LSAMP: variants seen among roughly 807,000 people sequenced by gnomAD.
LSAMP encodes limbic system associated membrane protein.
Under a neutral mutation model 38.6 loss-of-function variants are expected in LSAMP, and 7 were observed. The observed-to-expected ratio is 0.18, with a 90% CI of 0.10 to 0.34. LSAMP has a LOEUF of 0.34. Among genes scored for constraint, LSAMP ranks in the 10% least tolerant of loss-of-function variants. LSAMP has a pLI of 1.00. For synonymous variants in LSAMP, 154 were observed against 166.8 expected (o/e 0.92, Z 0.59); for missense variants, 313 against 420.0 (o/e 0.75, Z 2.23).
chr3:115,866,261 C>T (rs559032973), intron 3 of LSAMP, among the ~76,000 whole-genome samples: 3 of 152,092 alleles, frequency 2.0e-5, no homozygotes, highest in Non-Finnish European at 2.9e-5. Context: ...AGATTCATGA[C>T]AAAAGCCAAT....
chr3:115,969,924 T>C (rs1333173251), intron 3 of LSAMP, among the ~76,000 whole-genome samples: 1 of 152,172 alleles, frequency 6.6e-6, no homozygotes, highest in Non-Finnish European at 1.5e-5. Context: ...GTGACAATAA[T>C]GTGTACCATG....
chr3:116,086,644 C>T (rs1018587149), intron 1 of LSAMP, 88 bp from the exon 2 acceptor site: 3 of 978,360 alleles, frequency 3.1e-6, no homozygotes, highest in Non-Finnish European at 4.8e-6. Context: ...CAAGTCTAAA[C>T]AAGGAAAATA....
At chr3:116,309,695 T>C (rs2107715341) in intron 1 of LSAMP, among the ~76,000 whole-genome samples, 1 of 152,252 alleles carries the variant, frequency 6.6e-6, no homozygotes, top group East Asian at 1.9e-4. Flanking sequence ...CCGCTGGCCA[T>C]GGCCAATGTC....
intron 2 of LSAMP, among the ~76,000 whole-genome samples, chr3:116,021,464 G>A (rs1940636410): frequency 6.6e-6 from 1 of 151,890 alleles, no homozygotes; most frequent in Non-Finnish European, 1.5e-5. Context: ...CAGATGAGTA[G>A]GCTAGTGCTC....
chr3:116,353,899 A>C (rs2107768876), intron 1 of LSAMP, among the ~76,000 whole-genome samples: 1 of 152,242 alleles, frequency 6.6e-6, no homozygotes, highest in South Asian at 2.1e-4. Flanking sequence ...AGTTCATAAA[A>C]ATCATTGTAG....
chr3:115,920,475 TAC>T (rs1261326296), intron 3 of LSAMP, among the ~76,000 whole-genome samples: 1 of 152,234 alleles, frequency 6.6e-6, no homozygotes, highest in Non-Finnish European at 1.5e-5. Flanking sequence ...TTGAACATCT[TAC>T]ATATACCTGT....
At chr3:115,927,103 T>C (rs1254728684) in intron 3 of LSAMP, among the ~76,000 whole-genome samples, 1 of 152,228 alleles carries the variant, frequency 6.6e-6, no homozygotes, top group African/African-American at 2.4e-5. Flanking sequence ...TGAATGGTAC[T>C]CTTCTTTATG....
chr3:115,931,866 A>G (rs1937585981), intron 3 of LSAMP, among the ~76,000 whole-genome samples: 2 of 152,190 alleles, frequency 1.3e-5, no homozygotes, highest in Non-Finnish European at 2.9e-5. Context: ...AGTAAATAGC[A>G]GAAGGGAGAT....
chr3:116,194,613 G>A (rs576862166), intron 1 of LSAMP, among the ~76,000 whole-genome samples: 45 of 152,250 alleles, frequency 3.0e-4, no homozygotes, highest in African/African-American at 1.1e-3. Context: ...AGCCAGGATG[G>A]TCTCCATCTC....
At chr3:116,156,944 T>A (rs1418515048) in intron 1 of LSAMP, among the ~76,000 whole-genome samples, 2 of 152,110 alleles carry the variant, frequency 1.3e-5, no homozygotes, top group African/African-American at 4.8e-5. Context: ...GCTTCCAAGA[T>A]GAGTTTAACT....
At chr3:116,283,404 C>T (rs1255044651) in intron 1 of LSAMP, among the ~76,000 whole-genome samples, 2 of 152,126 alleles carry the variant, frequency 1.3e-5, no homozygotes, top group Admixed American at 6.6e-5. Flanking sequence ...CATCCCTTTT[C>T]CCTGACTGAA....
intron 1 of LSAMP, among the ~76,000 whole-genome samples, chr3:116,390,477 G>A (rs1390097158): frequency 6.6e-6 from 1 of 152,090 alleles, no homozygotes; most frequent in Non-Finnish European, 1.5e-5. Flanking sequence ...TCAGGTATGA[G>A]AGCAAGGAAA....
rs529194027 is a variant in LSAMP at position 116,203,985 on chromosome 3, A to C, written c.156-117429T>G. 2.5e-3 allele frequency among the ~76,000 whole-genome samples: 384 copies of C among 152,178 alleles called. 1 individual carries two copies. Among genetic ancestry groups the C allele is most frequent in the Non-Finnish European group, 4.6e-3 (310 of 68,000 alleles). On this transcript the variant is annotated intron_variant, in intron 1 of 6. Coordinates refer to ENST00000490035, the MANE Select transcript of LSAMP (RefSeq NM_002338.5). The stretch of plus-strand genomic sequence containing the variant: ...CCTGAGGAATCGCCACGCTGACTTC[A>C]ACAATGGTTGAACTAGTTTACAGTC...
chr3:115,953,404 T>TACACACAC (rs71616336), intron 3 of LSAMP, among the ~76,000 whole-genome samples: 2,145 of 143,670 alleles, frequency 0.015, 21 homozygotes, highest in African/African-American at 0.035. Flanking sequence ...GTAGTGTGCG[T>TACACACAC]ACACACACAC....
chr3:116,440,442 A>G (rs978253561), intron 1 of LSAMP, among the ~76,000 whole-genome samples: 5 of 152,200 alleles, frequency 3.3e-5, no homozygotes, highest in African/African-American at 9.7e-5. Flanking sequence ...TCTTTCCACA[A>G]TTCTACAAAT....
At chr3:115,820,592 T>G (rs1934199140) in intron 6 of LSAMP, among the ~76,000 whole-genome samples, 2 of 152,194 alleles carry the variant, frequency 1.3e-5, no homozygotes, top group Admixed American at 1.3e-4. Context: ...CCCAGCCACA[T>G]TAGCCTGCAC....
intron 3 of LSAMP, among the ~76,000 whole-genome samples, chr3:115,895,902 C>A (rs1559871138): frequency 6.6e-6 from 1 of 150,540 alleles, no homozygotes; most frequent in Non-Finnish European, 1.5e-5. Flanking sequence ...TATATTCTTG[C>A]CATTTCAAAA....
intron 1 of LSAMP, among the ~76,000 whole-genome samples, chr3:116,206,599 T>C (rs1460205840): frequency 5.7e-4 from 83 of 144,476 alleles, no homozygotes; most frequent in African/African-American, 2.1e-3. Context: ...TTCTGGTATG[T>C]TGTGTCTTTG....
At chr3:115,975,500 T>C (rs1939159774) in intron 3 of LSAMP, among the ~76,000 whole-genome samples, 2 of 152,176 alleles carry the variant, frequency 1.3e-5, no homozygotes, top group Non-Finnish European at 2.9e-5. Flanking sequence ...AGTTGTTTTC[T>C]GAGAAATCAG....
Sources: allele counts gnomAD v4.1 joint callset (sites outside exome capture counted in the v4.1 genomes callset), GRCh38; gene constraint gnomAD v4.1.1; transcripts MANE v1.5; gene names NCBI Gene and HGNC (gene_info 2026-07-23, HGNC 2026-07-21).